Variants in STIL observed in about 807,000 individuals in gnomAD.
STIL encodes SCL-interrupting locus protein.
In STIL, 55 loss-of-function variants were observed where a neutral mutation model predicts 110.1. The observed-to-expected ratio is 0.50, with a 90% CI of 0.40 to 0.63. The LOEUF (loss-of-function observed/expected upper bound fraction) is 0.63, where lower values mean the gene tolerates loss of function less well. STIL is among the 20% of genes least tolerant of loss of function. STIL has a pLI of 0.00. For synonymous variants in STIL, 481 were observed against 530.0 expected (o/e 0.91, Z 1.27); for missense variants, 1,358 against 1,530.0 (o/e 0.89, Z 1.87).
intron 12 of STIL, among the ~76,000 whole-genome samples, chr1:47,279,978 T>C (rs560436499): frequency 6.6e-6 from 1 of 152,108 alleles, no homozygotes; most frequent in Non-Finnish European, 1.5e-5. Flanking sequence ...AGGCAAAAAA[T>C]AAAAATACAA....
At chr1:47,282,221 T>A in intron 11 of STIL, 124 bp downstream of exon 11, 1 of 688,342 alleles carries the variant, frequency 1.5e-6, no homozygotes, top group Non-Finnish European at 2.6e-6. Context: ...ACCATAGAGA[T>A]AGAAATAGCT....
In STIL at chr1:47,251,568, A is replaced by C. The variant is rs909821722; in HGVS notation, c.3435T>G (p.Asn1145Lys). Reference protein sequence around the residue: ...NSEDEEEPPDNADSKSEYLLN... With the variant: ...NSEDEEEPPDKADSKSEYLLN... ...ATAAATATTCACTCTTGCTATCTGC[A>C]TTGTCGGGAGGTTCCTCTTCATCTT... Residue 1145 changes from asparagine (N) to lysine (K), a missense_variant, in exon 17 of 17, where the codon AAT becomes AAG. Transcript: ENST00000371877. 10 of 1,614,012 alleles carry C rather than the reference A, an allele frequency of 6.2e-6. No homozygotes were observed. The highest frequency in any genetic ancestry group is 3.3e-4 in the Middle Eastern group (2 of 6,062).
In STIL at chr1:47,289,527, G is replaced by T. The variant is rs755782506; in HGVS notation, c.931C>A (p.Pro311Thr). ...CAAGGGAAGCATTCATAAAACTCAG[G>T]TTCCTTATGTGTCATAGAATAGAGA... is the stretch of plus-strand genomic sequence containing the variant. The part of the protein sequence containing the change: ...IVLYSMTHKE[P>T]EFYECFPCDG... Residue 311 changes from proline to threonine, a missense_variant, in exon 9 of 17, where the codon CCT (proline) becomes ACT (threonine). Transcript: ENST00000371877. The T allele has an allele frequency of 6.2e-7, 1 of 1,613,672 alleles. No homozygotes were observed. Among genetic ancestry groups the T allele is most frequent in the Admixed American group, 1.7e-5 (1 of 60,002 alleles).
At chr1:47,284,889 CAAAA>C (rs796580180) in intron 10 of STIL, among the ~76,000 whole-genome samples, 1 of 137,152 alleles carries the variant, frequency 7.3e-6, no homozygotes. Flanking sequence ...GACCCTATCT[CAAAA>C]AAAAAAAAAG....
In STIL at chr1:47,260,398, C is replaced by T. The variant is rs1344137683; in HGVS notation, c.2971G>A (p.Asp991Asn). The change falls in exon 16 of 17, where the codon GAC becomes AAC. Residue 991 changes from aspartate (D) to asparagine (N), a missense_variant. Transcript: ENST00000371877. ...GTTGCATTAAGGACACAATCTTTGT[C>T]CACCAGTCTTGAATGATGTGTTTTT... is the stretch of plus-strand genomic sequence containing the variant. ...KKKTHHSRLV[D>N]KDCVLNATLK... 6.2e-7 allele frequency: 1 copy of T among 1,614,044 alleles called. No homozygotes were observed. The highest frequency in any genetic ancestry group is 1.3e-5 in the African/African-American group (1 of 74,928).
chr1:47,266,362 T>C (rs529421678), intron 14 of STIL, among the ~76,000 whole-genome samples: 1 of 152,056 alleles, frequency 6.6e-6, no homozygotes, highest in African/African-American at 2.4e-5. Flanking sequence ...CCAGTTCACC[T>C]TTTTTTATTT....
intron 14 of STIL, among the ~76,000 whole-genome samples, chr1:47,269,155 G>T (rs1489431736): frequency 6.6e-6 from 1 of 151,928 alleles, no homozygotes; most frequent in Non-Finnish European, 1.5e-5. Context: ...CCTCTAGGGT[G>T]AGGCCTGAGC....
chr1:47,260,625 C>G (rs1644458207), intron 15 of STIL, 86 bp from the exon 16 acceptor site: 1 of 1,425,114 alleles, frequency 7.0e-7, no homozygotes. Flanking sequence ...ATAATCCCAG[C>G]ACTTTGGGAA....
intron 16 of STIL, among the ~76,000 whole-genome samples, chr1:47,256,999 A>G (rs1218027529): frequency 6.6e-6 from 1 of 151,860 alleles, no homozygotes; most frequent in African/African-American, 2.4e-5. Flanking sequence ...ACATCAATAC[A>G]CTCTGAGAGG....
rs1392558784 is a variant in STIL at position 47,300,055 on chromosome 1, A to C, written c.551T>G (p.Val184Gly). 1 of 1,614,024 alleles carries C rather than the reference A, an allele frequency of 6.2e-7. No homozygotes were observed. Among genetic ancestry groups the C allele is most frequent in the African/African-American group, 1.3e-5 (1 of 74,922 alleles). Reference sequence around the variant, plus strand: ...TGCTGCCCAATGCAAGTCAAATTCCACACTGTCCAAACTCTCCCTGGAAGT... The same window carrying C: ...TGCTGCCCAATGCAAGTCAAATTCCCCACTGTCCAAACTCTCCCTGGAAGT... ...HITSRESLDS[V>G]EFDLHWAAVT... The change falls in exon 6 of 17, where the codon GTG (valine) becomes GGG (glycine). Residue 184 changes from valine (V) to glycine (G), a missense_variant. Physicochemically the swap from Val to Gly is moderately radical, Grantham distance 109 (BLOSUM62 -3). Transcript: ENST00000371877.
intron 14 of STIL, among the ~76,000 whole-genome samples, chr1:47,266,790 C>T (rs1387623662): frequency 6.6e-6 from 1 of 152,176 alleles, no homozygotes; most frequent in East Asian, 1.9e-4. Flanking sequence ...CTTCAGTTCT[C>T]CACGAAACAA....
chr1:47,282,613 G>C (rs912840299), intron 10 of STIL, 154 bp from the exon 11 acceptor site: 6 of 609,884 alleles, frequency 9.8e-6, no homozygotes, highest in Admixed American at 7.9e-5. Context: ...TTTCAGGCCA[G>C]TGTTAGTTGA....
intron 14 of STIL, among the ~76,000 whole-genome samples, chr1:47,269,424 T>C (rs1644754479): frequency 6.6e-6 from 1 of 152,198 alleles, no homozygotes; most frequent in South Asian, 2.1e-4. Context: ...ACATTGTATA[T>C]TTCAAAATTG....
At chr1:47,298,154 A>C (rs1341508640) in intron 6 of STIL, among the ~76,000 whole-genome samples, 1 of 152,232 alleles carries the variant, frequency 6.6e-6, no homozygotes, top group African/African-American at 2.4e-5. Context: ...TTTTTAGAGA[A>C]TAAGACTTGG....
At chr1:47,313,324 A>C (rs1479888843) in intron 1 of STIL, among the ~76,000 whole-genome samples, 2 of 118,964 alleles carry the variant, frequency 1.7e-5, no homozygotes, top group Non-Finnish European at 3.4e-5. Context: ...ACTGCGTCTC[A>C]AAAATAAACA....
At chr1:47,259,897 G>A (rs890793141) in intron 16 of STIL, among the ~76,000 whole-genome samples, 1 of 152,198 alleles carries the variant, frequency 6.6e-6, no homozygotes, top group Non-Finnish European at 1.5e-5. Context: ...TGGCACGACT[G>A]TGTAACTGTA....
chr1:47,289,268 A>C (rs1645405788), intron 9 of STIL, among the ~76,000 whole-genome samples, 167 bp downstream of exon 9: 1 of 152,056 alleles, frequency 6.6e-6, no homozygotes, highest in South Asian at 2.1e-4. Context: ...TTACTAAAAA[A>C]ATTTAACCAT....
intron 12 of STIL, among the ~76,000 whole-genome samples, chr1:47,273,795 T>A (rs1644909441): frequency 6.6e-6 from 1 of 152,198 alleles, no homozygotes; most frequent in African/African-American, 2.4e-5. Context: ...CAATATAATT[T>A]TAGTGGATTA....
chr1:47,302,207 A>T (rs1257612756), intron 4 of STIL, 27 bp downstream of exon 4: 1 of 1,530,830 alleles, frequency 6.5e-7, no homozygotes, highest in East Asian at 2.2e-5. Flanking sequence ...AGGCGTGAGC[A>T]CTGGTCCATT....
Sources: allele counts gnomAD v4.1 joint callset (sites outside exome capture counted in the v4.1 genomes callset), GRCh38; gene constraint gnomAD v4.1.1; transcripts MANE v1.5; gene names NCBI Gene and HGNC (gene_info 2026-07-23, HGNC 2026-07-21).